The following ENPP1 variants were observed in gnomAD, a reference collection of about 807,000 sequenced individuals.
ENPP1 encodes the protein ectonucleotide pyrophosphatase/phosphodiesterase 1, also known as ectonucleotide pyrophosphatase/phosphodiesterase family member 1.
ENPP1 carries 73 observed loss-of-function variants against 122.8 expected under a neutral mutation model. The ratio of observed to expected loss-of-function variants is 0.59; its 90% confidence interval spans 0.49 to 0.72. The LOEUF (loss-of-function observed/expected upper bound fraction) is 0.72, where lower values mean the gene tolerates loss of function less well. Ranked by LOEUF, ENPP1 falls within the 30% of genes least tolerant of loss-of-function variation. The pLI is 0.00. For synonymous variants in ENPP1, 367 were observed against 391.6 expected (o/e 0.94, Z 0.74); for missense variants, 978 against 1,128.1 (o/e 0.87, Z 1.91).
chr6:131,826,593 A>G (rs1332847080), intron 1 of ENPP1: 1 of 1,074,916 alleles, frequency 9.3e-7, no homozygotes, highest in Non-Finnish European at 1.4e-6. Flanking sequence ...TGGAGTATGG[A>G]ATGCATTCCA....
chr6:131,810,766 A>G (rs1036513559), intron 1 of ENPP1, among the ~76,000 whole-genome samples: 1 of 152,172 alleles, frequency 6.6e-6, no homozygotes, highest in South Asian at 2.1e-4. Flanking sequence ...TTGCAGTGGC[A>G]ATGTAATTTT....
intron 13 of ENPP1, among the ~76,000 whole-genome samples, chr6:131,869,924 A>G (rs1278485068): frequency 6.6e-6 from 1 of 151,732 alleles, no homozygotes; most frequent in African/African-American, 2.4e-5. Flanking sequence ...AGGGAATCAC[A>G]GTTAATTTTT....
At position 131,831,591 on chromosome 6, in the gene ENPP1, G is replaced by A. The variant is rs1374051592; in HGVS notation, c.241-16185G>A. 3.9e-5 allele frequency among the ~76,000 whole-genome samples: 6 copies of A among 152,132 alleles called. No individual in the cohort carries two copies. The East Asian group carries it at 1.2e-3, about 29-fold the overall frequency. On this transcript the variant is annotated intron_variant, in intron 1 of 24. Transcript: ENST00000647893. ...ACCTTGACAGTTTTAAAGAGTATGA[G>A]TCATGTATTTTGTGGAATGTCCTTC...
intron 1 of ENPP1, among the ~76,000 whole-genome samples, chr6:131,837,171 A>C (rs1285515241): frequency 1.3e-5 from 1 of 76,304 alleles, no homozygotes; most frequent in East Asian, 3.0e-4. Context: ...TCCTGTTGTC[A>C]TTGTGTGTGT....
chr6:131,853,219 C>T (rs1022219762), intron 5 of ENPP1, among the ~76,000 whole-genome samples: 2 of 152,220 alleles, frequency 1.3e-5, no homozygotes, highest in Non-Finnish European at 1.5e-5. Context: ...GTAGCAACAG[C>T]AGCCAAAACT....
At chr6:131,854,872 G>T in intron 5 of ENPP1, 54 bp from the exon 6 acceptor site, 1 of 1,233,156 alleles carries the variant, frequency 8.1e-7, no homozygotes, top group Non-Finnish European at 1.2e-6. Context: ...ATCTTCATTG[G>T]ATATGTCTTG....
intron 1 of ENPP1, among the ~76,000 whole-genome samples, chr6:131,845,716 C>A (rs1256754104): frequency 6.6e-6 from 1 of 152,082 alleles, no homozygotes. Context: ...ACCTCAGCCT[C>A]TCAAAGTGCC....
intron 1 of ENPP1, among the ~76,000 whole-genome samples, chr6:131,842,674 C>G (rs1233781916): frequency 2.0e-5 from 3 of 152,088 alleles, no homozygotes; most frequent in Non-Finnish European, 2.9e-5. Context: ...TTACATGTTT[C>G]TACTGAAGTC....
chr6:131,888,430 T>C (rs1459476824), intron 24 of ENPP1, among the ~76,000 whole-genome samples: 1 of 152,144 alleles, frequency 6.6e-6, no homozygotes, highest in Non-Finnish European at 1.5e-5. Flanking sequence ...TCACCATTCA[T>C]TCCTTTGATA....
chr6:131,875,438 C>A (rs938440062), intron 16 of ENPP1, among the ~76,000 whole-genome samples: 1 of 151,316 alleles, frequency 6.6e-6, no homozygotes, highest in African/African-American at 2.4e-5. Context: ...AATAAACTTA[C>A]AATAATTATT....
intron 6 of ENPP1, among the ~76,000 whole-genome samples, chr6:131,857,299 G>A (rs1781959937): frequency 6.8e-6 from 1 of 147,988 alleles, no homozygotes; most frequent in Non-Finnish European, 1.5e-5. Flanking sequence ...CCCATTACTG[G>A]GTATATACCC....
chr6:131,842,187 G>A (rs188249525), intron 1 of ENPP1, among the ~76,000 whole-genome samples: 117 of 152,248 alleles, frequency 7.7e-4, no homozygotes, highest in African/African-American at 2.7e-3. Context: ...TGATGTTATA[G>A]TTTGGATTAA....
Position 131,890,548 on chromosome 6 carries a change from A to G in ENPP1, c.*37A>G. 1 of 1,532,972 alleles carries G rather than the reference A, an allele frequency of 6.5e-7. No individual in the cohort carries two copies. The highest frequency in any genetic ancestry group is 9.0e-7 in the Non-Finnish European group (1 of 1,106,246). 95.0% of individuals were successfully genotyped at this position (1,532,972 alleles called of 1,614,324 possible). A position where few individuals can be genotyped will look rare whatever the true frequency, so the allele number is the denominator to read the frequency against. ...TCCCCAAACACCATGAATCTTTTTG[A>G]GAGAACCTTATATTTTATATAGTCC... is the stretch of plus-strand genomic sequence containing the variant. On this transcript the variant is annotated 3_prime_UTR_variant, in exon 25 of 25. Transcript: ENST00000647893.
At chr6:131,855,276 TTCTC>T (rs1163434231) in intron 6 of ENPP1, among the ~76,000 whole-genome samples, 1 of 152,200 alleles carries the variant, frequency 6.6e-6, no homozygotes, top group African/African-American at 2.4e-5. Flanking sequence ...TATTTATTCT[TTCTC>T]AGAATTTTGA....
intron 20 of ENPP1, among the ~76,000 whole-genome samples, chr6:131,880,986 G>A (rs1367792469): frequency 1.3e-5 from 2 of 152,040 alleles, no homozygotes; most frequent in Non-Finnish European, 1.5e-5. Flanking sequence ...AGATGGTGCT[G>A]GAAAGAGAGA....
intron 9 of ENPP1, 132 bp from the exon 10 acceptor site, chr6:131,864,374 C>A (rs1287179495): frequency 5.6e-5 from 37 of 659,272 alleles, no homozygotes; most frequent in Non-Finnish European, 3.5e-5. Context: ...TCAAATAAAA[C>A]CCTTGATTTC....
chr6:131,838,477 T>C (rs1359520079), intron 1 of ENPP1, among the ~76,000 whole-genome samples: 2 of 152,050 alleles, frequency 1.3e-5, no homozygotes, highest in African/African-American at 2.4e-5. Context: ...AAATATTTGG[T>C]AAGTTTAAAT....
intron 1 of ENPP1, among the ~76,000 whole-genome samples, chr6:131,823,389 T>A (rs1781505660): frequency 6.6e-6 from 1 of 152,082 alleles, no homozygotes; most frequent in Non-Finnish European, 1.5e-5. Context: ...ATTAAGGAGA[T>A]TGTAGGGCTC....
At chr6:131,826,600 T>G in intron 1 of ENPP1, 1 of 1,040,938 alleles carries the variant, frequency 9.6e-7, no homozygotes, top group Non-Finnish European at 1.5e-6. Context: ...TGGAATGCAT[T>G]CCAGGTCACA....
Sources: gnomAD v4.1 joint callset for allele counts (sites outside exome capture counted in the v4.1 genomes callset) on GRCh38, gnomAD v4.1.1 for gene constraint, MANE v1.5 for transcripts, NCBI Gene and HGNC (gene_info 2026-07-23, HGNC 2026-07-21) for gene names.